The following TRMT11 variants were observed in gnomAD, a reference collection of about 807,000 sequenced individuals.
TRMT11 encodes the protein tRNA (guanine(10)-N(2))-methyltransferase TRMT11.
Under a neutral mutation model 62.8 loss-of-function variants are expected in TRMT11, and 53 were observed. The observed-to-expected ratio is 0.84, with a 90% confidence interval of 0.68 to 1.06. TRMT11 has a LOEUF of 1.06. Ranked by LOEUF, TRMT11 falls within the 50% of genes least tolerant of loss-of-function variation. The pLI, the probability that TRMT11 is intolerant of heterozygous loss-of-function variation, is 0.00. For missense variants in TRMT11, 556 were observed against 553.4 expected (o/e 1.00, Z -0.05); for synonymous variants, 188 against 190.3 (o/e 0.99, Z 0.10).
the TRMT11 span, among the ~76,000 whole-genome samples, chr6:126,242,722 G>T: frequency 2.0e-5 from 3 of 152,196 alleles, no homozygotes; most frequent in African/African-American, 4.8e-5. Flanking sequence ...GGGAAAACTG[G>T]TTAGCCATAT....
the TRMT11 span, among the ~76,000 whole-genome samples, chr6:126,221,624 G>A: frequency 0.029 from 4,446 of 152,160 alleles, 206 homozygotes; most frequent in African/African-American, 0.1. Context: ...ATTTGTTTAA[G>A]TTCCTGATAG....
the TRMT11 span, among the ~76,000 whole-genome samples, chr6:126,269,215 G>C: frequency 1.5e-5 from 2 of 130,370 alleles, no homozygotes; most frequent in African/African-American, 6.0e-5. Context: ...AGTGAGCCGA[G>C]ATCCCGCCAC....
chr6:126,117,901 A>G (rs1446412244), intron 21 of TRMT11, among the ~76,000 whole-genome samples: 1 of 152,120 alleles, frequency 6.6e-6, no homozygotes, highest in Non-Finnish European at 1.5e-5. Context: ...CCTATTCCAT[A>G]ATGCAAAACG....
intron 17 of TRMT11, among the ~76,000 whole-genome samples, chr6:126,096,394 T>C (rs1355121369): frequency 6.6e-6 from 1 of 152,168 alleles, no homozygotes; most frequent in Admixed American, 6.6e-5. Flanking sequence ...AGATCATAGG[T>C]CACCCTCTGT....
the TRMT11 span, among the ~76,000 whole-genome samples, chr6:126,241,062 G>T: frequency 6.6e-6 from 1 of 152,210 alleles, no homozygotes; most frequent in Non-Finnish European, 1.5e-5. Context: ...TTGGAAAAGC[G>T]CAGTATTAGG....
chr6:126,154,859 T>G (rs1778099042), intron 21 of TRMT11, among the ~76,000 whole-genome samples: 1 of 152,208 alleles, frequency 6.6e-6, no homozygotes. Context: ...TACTAATTTC[T>G]ATAACTGATG....
chr6:126,163,294 T>G (rs1778218460), intron 21 of TRMT11, among the ~76,000 whole-genome samples: 1 of 152,202 alleles, frequency 6.6e-6, no homozygotes, highest in Non-Finnish European at 1.5e-5. Context: ...ATCGAAGGCC[T>G]TTTCTGCATC....
chr6:126,189,193 G>A (rs1778564881), intron 1 of TRMT11, among the ~76,000 whole-genome samples: 2 of 152,232 alleles, frequency 1.3e-5, no homozygotes, highest in Admixed American at 1.3e-4. Flanking sequence ...TGACTTAAAT[G>A]CAGGATAATT....
intron 1 of TRMT11, among the ~76,000 whole-genome samples, chr6:126,188,981 G>A (rs1175413012): frequency 1.3e-5 from 2 of 152,014 alleles, no homozygotes; most frequent in African/African-American, 4.8e-5. Flanking sequence ...TAAAAGCAAT[G>A]ACTATCTCCT....
chr6:126,075,104 G>C (rs996357811), intron 17 of TRMT11, among the ~76,000 whole-genome samples: 4 of 152,090 alleles, frequency 2.6e-5, no homozygotes, highest in Non-Finnish European at 4.4e-5. Flanking sequence ...TGCCAATTAA[G>C]TGCTCTGTGT....
chr6:126,212,316 C>T, the TRMT11 span, among the ~76,000 whole-genome samples: 2 of 152,010 alleles, frequency 1.3e-5, no homozygotes, highest in Non-Finnish European at 2.9e-5. Flanking sequence ...CATATGGTAG[C>T]TGTATTTTTA....
chr6:126,157,608 A>G (rs1778136393), intron 21 of TRMT11, among the ~76,000 whole-genome samples: 1 of 152,228 alleles, frequency 6.6e-6, no homozygotes. Flanking sequence ...TTTGAAGTTT[A>G]CCTGTGATGA....
chr6:126,085,359 C>G (rs1777203314), intron 17 of TRMT11, among the ~76,000 whole-genome samples: 1 of 152,142 alleles, frequency 6.6e-6, no homozygotes, highest in Non-Finnish European at 1.5e-5. Context: ...AGGCAGTACT[C>G]TAGATCATTA....
the TRMT11 span, among the ~76,000 whole-genome samples, chr6:126,251,087 G>A: frequency 1.3e-5 from 2 of 149,934 alleles, no homozygotes; most frequent in Non-Finnish European, 3.0e-5. Context: ...CTGGAGTGCA[G>A]TGGCACAATC....
At chr6:126,252,960 T>G in the TRMT11 span, among the ~76,000 whole-genome samples, 1 of 152,202 alleles carries the variant, frequency 6.6e-6, no homozygotes, top group African/African-American at 2.4e-5. Context: ...CAAGGAGTGC[T>G]TTTGCAGTTT....
At chr6:126,014,586 A>G (rs915932183) in intron 11 of TRMT11, among the ~76,000 whole-genome samples, 1 of 152,206 alleles carries the variant, frequency 6.6e-6, no homozygotes, top group African/African-American at 2.4e-5. Flanking sequence ...TACAGTGGTA[A>G]CTGTCTTTTT....
chr6:126,261,792 A>T, the TRMT11 span, among the ~76,000 whole-genome samples: 544 of 152,092 alleles, frequency 3.6e-3, 5 homozygotes, highest in African/African-American at 0.012. Flanking sequence ...GGGAGTGCTG[A>T]GCTGGTTGTT....
chr6:126,266,271 C>G, the TRMT11 span, among the ~76,000 whole-genome samples: 2 of 152,134 alleles, frequency 1.3e-5, no homozygotes, highest in Non-Finnish European at 2.9e-5. Context: ...AAATATATTT[C>G]TACATTACTT....
chr6:126,184,307 T>A (rs1778502189), intron 1 of TRMT11, among the ~76,000 whole-genome samples: 1 of 152,202 alleles, frequency 6.6e-6, no homozygotes. Context: ...GGGTATATTA[T>A]ATGTGTTCTC....
Sources: allele counts gnomAD v4.1 joint callset (sites outside exome capture counted in the v4.1 genomes callset), GRCh38; gene constraint gnomAD v4.1.1; transcripts MANE v1.5; gene names NCBI Gene and HGNC (gene_info 2026-07-23, HGNC 2026-07-21).